The following HCLS1 variants were observed in gnomAD, a reference collection of about 807,000 sequenced individuals.
The protein encoded by HCLS1 is hematopoietic lineage cell-specific protein.
A neutral mutation model predicts 68.6 loss-of-function variants in HCLS1; 44 were observed. The ratio of observed to expected loss-of-function variants is 0.64; its 90% confidence interval spans 0.50 to 0.82. The LOEUF (loss-of-function observed/expected upper bound fraction) is 0.82. HCLS1 is among the 40% of genes least tolerant of loss of function. The pLI is 0.00. For missense variants in HCLS1, 602 were observed against 612.1 expected (o/e 0.98, Z 0.17); for synonymous variants, 217 against 225.8 (o/e 0.96, Z 0.35).
chr3:121,654,524 T>G lies in HCLS1; in HGVS notation c.158+2755A>C, dbSNP rs114644585. Among the ~76,000 whole-genome samples the G allele has an allele frequency of 7.4e-3, 1,133 of 152,222 alleles. 21 individuals are homozygous for G. Among genetic ancestry groups the G allele is most frequent in the African/African-American group, 0.026 (1,070 of 41,530 alleles). The stretch of plus-strand genomic sequence containing the variant: ...GAAAAGAAGGTGGAGAGAAGGGTGA[T>G]AGTTCTTGAAAACCAGGCAGTTCCT... On this transcript the variant is annotated intron_variant, in intron 3 of 13. Transcript: ENST00000314583.
chr3:121,653,060 A>T (rs1333730589), intron 3 of HCLS1, among the ~76,000 whole-genome samples: 1 of 152,208 alleles, frequency 6.6e-6, no homozygotes, highest in Non-Finnish European at 1.5e-5. Context: ...ATATTTGCAT[A>T]TACATAATGA....
intron 7 of HCLS1, 134 bp downstream of exon 7, chr3:121,637,012 T>G (rs1475664032): frequency 1.5e-6 from 1 of 663,438 alleles, no homozygotes; most frequent in Non-Finnish European, 2.8e-6. Flanking sequence ...CCCACACATG[T>G]GCTTACTGCC....
At chr3:121,633,533 TTTTTA>T (rs1430490512) in intron 10 of HCLS1, among the ~76,000 whole-genome samples, 1 of 152,022 alleles carries the variant, frequency 6.6e-6, no homozygotes, top group Non-Finnish European at 1.5e-5. Flanking sequence ...ATCTTCATTC[TTTTTA>T]TTTTATTTTA....
intron 3 of HCLS1, among the ~76,000 whole-genome samples, chr3:121,656,528 G>A (rs948882147): frequency 1.3e-5 from 2 of 152,084 alleles, no homozygotes; most frequent in Admixed American, 1.3e-4. Flanking sequence ...GAAACCCCTG[G>A]ATATGTCTGT....
intron 9 of HCLS1, among the ~76,000 whole-genome samples, chr3:121,635,418 T>C (rs1354289906): frequency 2.0e-5 from 3 of 151,826 alleles, no homozygotes; most frequent in Non-Finnish European, 2.9e-5. Context: ...GCTGGGATTA[T>C]AGGTGTGCAC....
chr3:121,640,461 A>C (rs746545796), intron 6 of HCLS1, among the ~76,000 whole-genome samples: 34 of 152,180 alleles, frequency 2.2e-4, no homozygotes, highest in Non-Finnish European at 4.3e-4. Flanking sequence ...ATTAGTCAGA[A>C]GAAATGGCAC....
rs768118694 is a variant in HCLS1 at position 121,635,770 on chromosome 3, G to A, written c.656C>T (p.Thr219Ile). Residue 219 changes from threonine (T) to isoleucine (I), a missense_variant, in exon 9 of 14, where the codon ACC (threonine) becomes ATC (isoleucine). By Grantham distance (89) the Thr-to-Ile change is moderately conservative. Transcript: ENST00000314583. ...GGGCGTCGTCTTCTTATAAGCTGTG[G>A]TCGGGGCCTCCATTTCATTGAAGCC... ...AVGFNEMEAP[T>I]TAYKKTTPIE... 1 of 1,614,148 alleles carries A rather than the reference G, an allele frequency of 6.2e-7. No homozygotes were observed. Among genetic ancestry groups the A allele is most frequent in the Non-Finnish European group, 8.5e-7 (1 of 1,179,994 alleles).
intron 1 of HCLS1, among the ~76,000 whole-genome samples, chr3:121,659,944 A>G (rs1301464988): frequency 1.3e-5 from 2 of 152,176 alleles, no homozygotes; most frequent in African/African-American, 2.4e-5. Context: ...AATAGAGACA[A>G]TTTATCTAAT....
In HCLS1 at chr3:121,632,551, G is replaced by A. The variant is rs554568270; in HGVS notation, c.1021C>T (p.Pro341Ser). Residue 341 changes from proline to serine, a missense_variant, in exon 12 of 14, where the codon CCC becomes TCC. Pro to Ser is a moderately conservative substitution (Grantham distance 74). Coordinates refer to ENST00000314583, the MANE Select transcript of HCLS1 (RefSeq NM_005335.6). ...AGAGTCCTAGGGGGCAGAGCTGGGG[G>A]CTCCTCATTGTCCTGAGAAGAGACA... ...RQTLPEDNEE[P>S]PALPPRTLEG... 10 of 1,612,274 alleles carry A rather than the reference G, an allele frequency of 6.2e-6. No homozygotes were observed. The East Asian group carries it at 1.1e-4, about 18-fold the overall frequency.
At chr3:121,636,788 T>C (rs2049154660) in intron 7 of HCLS1, among the ~76,000 whole-genome samples, 1 of 152,062 alleles carries the variant, frequency 6.6e-6, no homozygotes, top group Admixed American at 6.6e-5. Flanking sequence ...TCCGTATGGG[T>C]TCCAGGGAAG....
intron 3 of HCLS1, among the ~76,000 whole-genome samples, chr3:121,653,250 AG>A (rs918076110): frequency 3.3e-5 from 5 of 152,200 alleles, no homozygotes; most frequent in Non-Finnish European, 5.9e-5. Context: ...ACATGTAGTC[AG>A]GTGTGGAATT....
In HCLS1 at chr3:121,634,308, G is replaced by A. The variant is rs756898922; in HGVS notation, c.802C>T (p.Arg268Ter). 149 of 1,613,984 alleles carry A rather than the reference G, an allele frequency of 9.2e-5. 1 individual carries two copies. Among genetic ancestry groups the A allele is most frequent in the Non-Finnish European group, 1.2e-4 (140 of 1,180,034 alleles). The stretch of plus-strand genomic sequence containing the variant: ...GGGCTCCTCTTTGTCACAGCCTTTC[G>A]CTCCTGTTGCCTCCTGGCCACCTGC... ...AQQVARRQQE[R>*]KAVTKRSPEA... is the part of the protein sequence containing the mutation. The change falls in exon 10 of 14, where the codon CGA becomes TGA. Residue 268 changes from arginine to a stop codon, truncating the protein, a stop_gained. Transcript: ENST00000314583. LOFTEE classifies it high-confidence loss of function.
At chr3:121,640,913 A>C (rs1249578854) in intron 6 of HCLS1, among the ~76,000 whole-genome samples, 1 of 152,024 alleles carries the variant, frequency 6.6e-6, no homozygotes, top group Non-Finnish European at 1.5e-5. Context: ...TTTGAAAGAA[A>C]GTTTAAAATG....
At chr3:121,638,235 A>C (rs920260704) in intron 6 of HCLS1, among the ~76,000 whole-genome samples, 1 of 152,066 alleles carries the variant, frequency 6.6e-6, no homozygotes, top group Admixed American at 6.5e-5. Context: ...CTAATTTAAA[A>C]AAAAATCTGT....
intron 3 of HCLS1, among the ~76,000 whole-genome samples, chr3:121,649,973 G>A (rs1937707732): frequency 6.6e-6 from 1 of 152,140 alleles, no homozygotes; most frequent in South Asian, 2.1e-4. Context: ...AGCTACTAAA[G>A]CATTGTGCAT....
chr3:121,632,479 C>T lies in HCLS1; in HGVS notation c.1093G>A (p.Glu365Lys). 1 of 1,613,794 alleles carries T rather than the reference C, an allele frequency of 6.2e-7. No individual in the cohort carries two copies. The highest frequency in any genetic ancestry group is 8.5e-7 in the Non-Finnish European group (1 of 1,179,754). Residue 365 changes from glutamate (E) to lysine (K), a missense_variant, in exon 12 of 14, where the codon GAG (glutamate) becomes AAG (lysine). By Grantham distance (56) the Glu-to-Lys change is moderately conservative. Transcript: ENST00000314583. ...TCGGGCTCAGGCTCGGGCTCAGGCTCAGGCTCTGCTTCGTACACTGGCTCT... is the reference window on the plus strand; with the variant it reads ...TCGGGCTCAGGCTCGGGCTCAGGCTTAGGCTCTGCTTCGTACACTGGCTCT... ...EEEPVYEAEP[E>K]PEPEPEPEPE...
chr3:121,635,113 CT>C (rs1355269960), intron 9 of HCLS1, among the ~76,000 whole-genome samples: 2 of 152,140 alleles, frequency 1.3e-5, no homozygotes, highest in Admixed American at 6.5e-5. Context: ...CACCCCACCC[CT>C]GTCCCAAGCC....
At chr3:121,653,583 C>A (rs1307457951) in intron 3 of HCLS1, 4 of 152,134 alleles carry the variant, frequency 2.6e-5, no homozygotes, top group African/African-American at 9.7e-5. Flanking sequence ...CTCCAGTCAG[C>A]GCTGGAAATC....
chr3:121,651,405 G>A (rs1366090025), intron 3 of HCLS1, among the ~76,000 whole-genome samples: 1 of 152,086 alleles, frequency 6.6e-6, no homozygotes, highest in East Asian at 1.9e-4. Context: ...TTAAAAGAGT[G>A]GTTAAGTTGG....
Sources: gnomAD v4.1 joint callset for allele counts (sites outside exome capture counted in the v4.1 genomes callset) on GRCh38, gnomAD v4.1.1 for gene constraint, MANE v1.5 for transcripts, NCBI Gene and HGNC (gene_info 2026-07-23, HGNC 2026-07-21) for gene names.